DCLK2: variants seen among roughly 807,000 people sequenced by gnomAD.
DCLK2 encodes the protein doublecortin like kinase 2, also known as serine/threonine-protein kinase DCLK2.
A neutral mutation model predicts 78.4 loss-of-function variants in DCLK2; 31 were observed. That is an observed-to-expected ratio of 0.40 (90% confidence interval 0.30 to 0.53). DCLK2 has a LOEUF of 0.53. Among genes scored for constraint, DCLK2 ranks in the 20% least tolerant of loss-of-function variants. DCLK2 has a pLI of 0.61. For missense variants in DCLK2, 872 were observed against 973.7 expected (o/e 0.90, Z 1.39); for synonymous variants, 407 against 374.9 (o/e 1.09, Z -0.99).
At chr4:150,168,979 G>A (rs1736305442) in intron 2 of DCLK2, among the ~76,000 whole-genome samples, 1 of 152,166 alleles carries the variant, frequency 6.6e-6, no homozygotes, top group Non-Finnish European at 1.5e-5. Flanking sequence ...CTAGGGCTCA[G>A]TAAGAGTGTG....
In DCLK2 at chr4:150,175,011, A is replaced by AAAAAAAAAAAATATATATAT. The variant is rs1454035697; in HGVS notation, c.757-18126_757-18125insAAAAAAAAAATATATATATA. ...AGACTCCGTCGCAAAAAAAAAAAAA[A>AAAAAAAAAAAATATATATAT]ATATATATATATATATATATATTTA... On this transcript the variant is annotated intron_variant, in intron 2 of 15. Transcript: ENST00000296550. 9.0e-4 allele frequency among the ~76,000 whole-genome samples: 9 copies of AAAAAAAAAAAATATATATAT among 9,974 alleles called. 3 individuals carry two copies. Among genetic ancestry groups the AAAAAAAAAAAATATATATAT allele is most frequent in the Admixed American group, 2.2e-3 (1 of 446 alleles). 6.5% of individuals were successfully genotyped at this position (9,974 alleles called of 152,430 possible). A position where few individuals can be genotyped will look rare whatever the true frequency, so the allele number is the denominator to read the frequency against.
At chr4:150,202,049 A>G (rs1365090455) in intron 4 of DCLK2, among the ~76,000 whole-genome samples, 1 of 152,114 alleles carries the variant, frequency 6.6e-6, no homozygotes, top group Non-Finnish European at 1.5e-5. Context: ...CATTTGTTAC[A>G]ATTAGCCTGC....
intron 4 of DCLK2, among the ~76,000 whole-genome samples, chr4:150,202,505 T>A (rs1739532791): frequency 6.6e-6 from 1 of 152,238 alleles, no homozygotes; most frequent in South Asian, 2.1e-4. Flanking sequence ...TATTCCTGTT[T>A]ACAGGTGATT....
At chr4:150,140,170 A>G (rs1734015411) in intron 2 of DCLK2, among the ~76,000 whole-genome samples, 1 of 152,246 alleles carries the variant, frequency 6.6e-6, no homozygotes, top group Non-Finnish European at 1.5e-5. Context: ...CATGGAAACA[A>G]TCTGTTAAAG....
At chr4:150,080,574 A>G (rs1729187349) in intron 1 of DCLK2, among the ~76,000 whole-genome samples, 1 of 152,208 alleles carries the variant, frequency 6.6e-6, no homozygotes, top group South Asian at 2.1e-4. Flanking sequence ...TGGCAGGGAG[A>G]GGAAGCTGAA....
Position 150,190,691 on chromosome 4 carries a change from G to T in DCLK2, c.757-2447G>T, listed in dbSNP as rs551869373. On this transcript the variant is annotated intron_variant, in intron 2 of 15. Coordinates refer to ENST00000296550, the MANE Select transcript of DCLK2 (RefSeq NM_001040260.4). ...TAATGGGCATGGTGTTTCTTCTGGG[G>T]ATGATGAAAATATTCAAAGTAAATT... Among the ~76,000 whole-genome samples the T allele has an allele frequency of 1.1e-4, 16 of 152,240 alleles. No individual in the cohort carries two copies. The South Asian group carries it at 2.1e-3, about 20-fold the overall frequency.
chr4:150,198,940 C>A, intron 4 of DCLK2: 1 of 440,570 alleles, frequency 2.3e-6, no homozygotes, highest in Non-Finnish European at 4.0e-6. Flanking sequence ...TAGGGCAGGT[C>A]GTTTTACCCT....
At chr4:150,223,368 G>A (rs965160876) in intron 7 of DCLK2, among the ~76,000 whole-genome samples, 5 of 152,196 alleles carry the variant, frequency 3.3e-5, no homozygotes, top group Non-Finnish European at 7.3e-5. Context: ...TATGAGTACT[G>A]TGGTGTTCTT....
intron 2 of DCLK2, among the ~76,000 whole-genome samples, chr4:150,138,993 T>TA (rs148410999): frequency 1.1e-3 from 166 of 145,882 alleles, no homozygotes; most frequent in Middle Eastern, 3.5e-3. Context: ...TTTTTAAATT[T>TA]AAAAAAAAAA....
In DCLK2 at chr4:150,149,016, C is replaced by T. The variant is rs1441996807; in HGVS notation, c.757-44122C>T. ...TTGCACCACTGCACTCCAGCCTGGGCGAAAGAGTGACAGACTGTCTCAAAA... is the reference window on the plus strand; with the variant it reads ...TTGCACCACTGCACTCCAGCCTGGGTGAAAGAGTGACAGACTGTCTCAAAA... On this transcript the variant is annotated intron_variant, in intron 2 of 15. Transcript: ENST00000296550. 6.7e-5 allele frequency among the ~76,000 whole-genome samples: 8 copies of T among 119,110 alleles called. No homozygotes were observed. The East Asian group carries it at 1.5e-3, about 22-fold the overall frequency. 78.1% of individuals were successfully genotyped at this position (119,110 alleles called of 152,430 possible).
At chr4:150,080,209 A>G (rs1038046083) in intron 1 of DCLK2, among the ~76,000 whole-genome samples, 3 of 151,870 alleles carry the variant, frequency 2.0e-5, no homozygotes, top group South Asian at 2.1e-4. Flanking sequence ...ATCAAGGTCA[A>G]TCTCTCCAGC....
At chr4:150,174,277 G>A (rs1736781879) in intron 2 of DCLK2, among the ~76,000 whole-genome samples, 1 of 152,190 alleles carries the variant, frequency 6.6e-6, no homozygotes, top group African/African-American at 2.4e-5. Context: ...AGGAAGTGTT[G>A]GAATCTGTTC....
At chr4:150,253,951 C>A in intron 15 of DCLK2, 1 of 965,664 alleles carries the variant, frequency 1.0e-6, no homozygotes, top group Non-Finnish European at 1.2e-6. Context: ...GTAATCTCAG[C>A]CAGCCTTTGG....
intron 15 of DCLK2, 80 bp downstream of exon 15, chr4:150,249,764 C>A: frequency 8.6e-7 from 1 of 1,163,114 alleles, no homozygotes; most frequent in Non-Finnish European, 1.3e-6. Context: ...GAGCTGCCCT[C>A]ACATGGAAGT....
intron 5 of DCLK2, among the ~76,000 whole-genome samples, chr4:150,208,180 C>A (rs1307115325): frequency 6.6e-6 from 1 of 152,008 alleles, no homozygotes; most frequent in Non-Finnish European, 1.5e-5. Context: ...GGAGGGAAGC[C>A]CAAGGTTGGG....
chr4:150,172,998 G>A (rs548779537), intron 2 of DCLK2, among the ~76,000 whole-genome samples: 38 of 152,232 alleles, frequency 2.5e-4, no homozygotes, highest in Admixed American at 2.5e-3. Flanking sequence ...AAATGGGGTA[G>A]GCCTCATGTG....
intron 2 of DCLK2, among the ~76,000 whole-genome samples, chr4:150,121,120 G>C (rs2150182257): frequency 7.3e-6 from 1 of 136,150 alleles, no homozygotes; most frequent in Middle Eastern, 3.9e-3. Flanking sequence ...TAATCTTTTT[G>C]CTGGTATAGG....
At chr4:150,181,032 A>G (rs145378731) in intron 2 of DCLK2, among the ~76,000 whole-genome samples, 56 of 152,256 alleles carry the variant, frequency 3.7e-4, no homozygotes, top group Non-Finnish European at 7.2e-4. Context: ...ACCTCAGTCT[A>G]CTAGCATTAT....
chr4:150,227,782 C>G (rs1741725460), intron 8 of DCLK2, among the ~76,000 whole-genome samples: 1 of 152,194 alleles, frequency 6.6e-6, no homozygotes, highest in South Asian at 2.1e-4. Context: ...AGTGGTCCTT[C>G]TTTGTCTTCC....
Sources: allele counts gnomAD v4.1 joint callset (sites outside exome capture counted in the v4.1 genomes callset), GRCh38; gene constraint gnomAD v4.1.1; transcripts MANE v1.5; gene names NCBI Gene and HGNC (gene_info 2026-07-23, HGNC 2026-07-21).